The following PSG11 variants were observed in gnomAD, a reference collection of about 807,000 sequenced individuals.
PSG11 encodes pregnancy specific beta-1-glycoprotein 11.
PSG11 carries 42 observed loss-of-function variants against 36.0 expected under a neutral mutation model. The observed-to-expected ratio is 1.17, with a 90% CI of 0.91 to 1.51. The LOEUF (loss-of-function observed/expected upper bound fraction) is 1.51. Ranked by LOEUF, PSG11 falls within the 40% of genes most tolerant of loss-of-function variation. The pLI is 0.00. For missense variants in PSG11, 558 were observed against 403.5 expected (o/e 1.38, Z -3.28); for synonymous variants, 206 against 153.5 (o/e 1.34, Z -2.53).
intron 4 of PSG11, among the ~76,000 whole-genome samples, chr19:43,012,178 C>T (rs1429220789): frequency 6.6e-6 from 1 of 151,008 alleles, no homozygotes; most frequent in Non-Finnish European, 1.5e-5. Context: ...TGTGAAAAAC[C>T]CAATGCTAAC....
intron 2 of PSG11, among the ~76,000 whole-genome samples, chr19:43,020,303 T>A (rs1342110582): frequency 6.6e-6 from 1 of 151,466 alleles, no homozygotes; most frequent in African/African-American, 2.4e-5. Flanking sequence ...ATCCCAAATC[T>A]GAAAAATTTA....
chr19:43,018,492 C>A, intron 3 of PSG11: 2 of 714,536 alleles, frequency 2.8e-6, no homozygotes, highest in Non-Finnish European at 4.4e-6. Flanking sequence ...GCCAAATCCT[C>A]GCTGTGTTCA....
At position 43,024,834 on chromosome 19, in the gene PSG11, C is replaced by G. The variant is rs765423936; in HGVS notation, c.287G>C (p.Ser96Thr). The change falls in exon 2 of 6, where the codon AGT (serine) becomes ACT (threonine). Residue 96 changes from serine (S) to threonine (T), a missense_variant. Coordinates refer to ENST00000320078, the MANE Select transcript of PSG11 (RefSeq NM_002785.3). ...GQIIIYGPAY[S>T]GRETVYSNAS... ...ATTGGAATATACTGTTTCTCGTCCACTGTATGCCGGTCCATATATAATTAT... is the reference window on the plus strand; with the variant it reads ...ATTGGAATATACTGTTTCTCGTCCAGTGTATGCCGGTCCATATATAATTAT... 4 of 1,612,024 alleles carry G rather than the reference C, an allele frequency of 2.5e-6. No homozygotes were observed. The South Asian group carries it at 3.3e-5, about 13-fold the overall frequency.
chr19:43,023,561 A>C (rs540292511), intron 2 of PSG11, among the ~76,000 whole-genome samples: 1 of 151,388 alleles, frequency 6.6e-6, no homozygotes, highest in African/African-American at 2.4e-5. Flanking sequence ...TAGACTAATC[A>C]GCTGACCATT....
At chr19:43,020,417 G>A (rs1967075045) in intron 2 of PSG11, among the ~76,000 whole-genome samples, 1 of 151,102 alleles carries the variant, frequency 6.6e-6, no homozygotes, top group Non-Finnish European at 1.5e-5. Context: ...GATTTGGGAT[G>A]CTCCATATTT....
chr19:43,025,617 T>C (rs958271022), intron 1 of PSG11, among the ~76,000 whole-genome samples: 6 of 150,328 alleles, frequency 4.0e-5, no homozygotes, highest in African/African-American at 1.5e-4. Context: ...CAGACTCCTG[T>C]AGATGTGAGA....
intron 5 of PSG11, among the ~76,000 whole-genome samples, chr19:43,008,476 C>G (rs1388682480): frequency 1.3e-5 from 2 of 151,182 alleles, no homozygotes; most frequent in East Asian, 3.9e-4. Context: ...TGGGGTTTCA[C>G]TGTGTTAGCC....
chr19:43,018,498 G>A lies in PSG11; in HGVS notation c.709+272C>T, dbSNP rs376798241. 10 of 755,092 alleles carry A rather than the reference G, an allele frequency of 1.3e-5. 1 individual carries two copies. Among genetic ancestry groups the A allele is most frequent in the East Asian group, 3.1e-5 (1 of 32,680 alleles). 46.8% of individuals were successfully genotyped at this position (755,092 alleles called of 1,614,324 possible). ...GAAGTCCCAGCCAAATCCTCGCTGT[G>A]TTCACTGATCTGGAGCCTGAGACAT... On this transcript the variant is annotated intron_variant, in intron 3 of 5. Coordinates refer to ENST00000320078, the MANE Select transcript of PSG11 (RefSeq NM_002785.3).
intron 4 of PSG11, among the ~76,000 whole-genome samples, chr19:43,013,850 C>G (rs977275777): frequency 3.3e-5 from 5 of 151,242 alleles, no homozygotes; most frequent in African/African-American, 4.9e-5. Context: ...TCACACTAGC[C>G]AAAAAATGGA....
At position 43,016,026 on chromosome 19, in the gene PSG11, G is replaced by A. The variant is rs748149468; in HGVS notation, c.710-656C>T. The A allele has an allele frequency of 2.5e-6, 4 of 1,610,032 alleles. No individual in the cohort carries two copies. The African/African-American group carries it at 4.0e-5, about 16-fold the overall frequency. On this transcript the variant is annotated intron_variant, in intron 3 of 5. Coordinates refer to ENST00000320078, the MANE Select transcript of PSG11 (RefSeq NM_002785.3). ...TGGGGTTTAAGTTGTTGATGGTGAT[G>A]TAGGGCATGGGCAGCTTTGCTGTGT...
intron 5 of PSG11, among the ~76,000 whole-genome samples, chr19:43,008,366 G>A (rs375262523): frequency 5.3e-5 from 8 of 151,038 alleles, no homozygotes; most frequent in African/African-American, 1.2e-4. Context: ...TCTGCCTCCC[G>A]GGTTCATGCC....
intron 4 of PSG11, 175 bp from the exon 5 acceptor site, chr19:43,010,216 C>A: frequency 6.9e-7 from 1 of 1,451,886 alleles, no homozygotes. Context: ...TTTTCCCTCT[C>A]ACCATGTTTC....
At chr19:43,018,568 T>G in intron 3 of PSG11, 2 of 1,272,912 alleles carry the variant, frequency 1.6e-6, no homozygotes, top group Non-Finnish European at 2.2e-6. Context: ...GAGCCTCCCA[T>G]GACAGGAGCA....
intron 4 of PSG11, among the ~76,000 whole-genome samples, chr19:43,013,235 T>C (rs1349472515): frequency 1.3e-5 from 2 of 151,442 alleles, no homozygotes; most frequent in Non-Finnish European, 2.9e-5. Context: ...AACAAAAGCA[T>C]AGGCAACAAA....
intron 4 of PSG11, among the ~76,000 whole-genome samples, chr19:43,012,009 A>T (rs534786801): frequency 6.6e-6 from 1 of 151,574 alleles, no homozygotes; most frequent in African/African-American, 2.4e-5. Context: ...TGGATAACCT[A>T]GATGAAATAG....
At chr19:43,014,947 G>A (rs979692284) in intron 4 of PSG11, 169 bp downstream of exon 4, 3 of 1,498,526 alleles carry the variant, frequency 2.0e-6, no homozygotes, top group South Asian at 1.4e-5. Flanking sequence ...GAAAAAAAAG[G>A]AGAAGAGAGT....
Position 43,025,071 on chromosome 19 carries a change from G to C in PSG11, c.65-15C>G, listed in dbSNP as rs754388702. The stretch of plus-strand genomic sequence containing the variant: ...TAAAAGTAATGCTAGGAGGTGGAGA[G>C]AGCATCAGTCAATATTGAGACCTAT... On this transcript the variant is annotated splice_polypyrimidine_tract_variant and intron_variant, in intron 1 of 5. Coordinates refer to ENST00000320078, the MANE Select transcript of PSG11 (RefSeq NM_002785.3). The C allele has an allele frequency of 1.9e-6, 3 of 1,604,988 alleles. No homozygotes were observed. The highest frequency in any genetic ancestry group is 2.2e-5 in the South Asian group (2 of 89,602).
At position 43,014,850 on chromosome 19, in the gene PSG11, G is replaced by A. The variant is rs570317234; in HGVS notation, c.964+266C>T. 2.0e-5 allele frequency: 27 copies of A among 1,339,370 alleles called. 3 individuals carry two copies. In the African/African-American group the frequency reaches 3.4e-4, roughly 17 times the overall value. 83.0% of individuals were successfully genotyped at this position (1,339,370 alleles called of 1,614,324 possible). On this transcript the variant is annotated intron_variant, in intron 4 of 5. Coordinates refer to ENST00000320078, the MANE Select transcript of PSG11 (RefSeq NM_002785.3). The stretch of plus-strand genomic sequence containing the variant: ...ACTCTCCTTCTTGTCCCTCTGTGAA[G>A]CCTCTTCTACCACATAGGGCTCAGG...
intron 4 of PSG11, 53 bp from the exon 5 acceptor site, chr19:43,010,094 G>A: frequency 6.4e-7 from 1 of 1,574,312 alleles, no homozygotes; most frequent in Non-Finnish European, 8.7e-7. Context: ...ATTTTACATG[G>A]GGGAGCGTCA....
Sources: allele counts gnomAD v4.1 joint callset (sites outside exome capture counted in the v4.1 genomes callset), GRCh38; gene constraint gnomAD v4.1.1; transcripts MANE v1.5; gene names NCBI Gene and HGNC (gene_info 2026-07-23, HGNC 2026-07-21).